CASQ2: variants seen among roughly 807,000 people sequenced by gnomAD.
CASQ2 encodes the protein calsequestrin 2.
In CASQ2, 49 loss-of-function variants were observed where a neutral mutation model predicts 46.5. The observed-to-expected ratio is 1.05, with a 90% CI of 0.84 to 1.34. CASQ2 has a LOEUF of 1.34. CASQ2 is among the 40% of genes most tolerant of loss of function. The pLI is 0.00. For synonymous variants in CASQ2, 174 were observed against 168.5 expected (o/e 1.03, Z -0.25); for missense variants, 486 against 481.3 (o/e 1.01, Z -0.09).
chr1:115,737,149 G>A (rs1361900737), intron 4 of CASQ2, among the ~76,000 whole-genome samples: 1 of 152,160 alleles, frequency 6.6e-6, no homozygotes, highest in Non-Finnish European at 1.5e-5. Flanking sequence ...ATACGGAAAT[G>A]TACAAACTAA....
chr1:115,767,726 G>A (rs909220939), intron 1 of CASQ2, among the ~76,000 whole-genome samples: 13 of 152,206 alleles, frequency 8.5e-5, no homozygotes, highest in Non-Finnish European at 1.8e-4. Flanking sequence ...GTCACACCAA[G>A]AACTTTCTGA....
rs74865143 is a variant in CASQ2 at position 115,718,141 on chromosome 1, A to T, written c.784-247T>A. ...CAGATAAATGAGTTTGCAAGACAGG[A>T]AAATACCAACCACACGCAAGACATT... On this transcript the variant is annotated intron_variant, in intron 7 of 10. Transcript: ENST00000261448. Among the ~76,000 whole-genome samples the T allele has an allele frequency of 0.011, 1,618 of 152,342 alleles. 18 individuals carry two copies. Among genetic ancestry groups the T allele is most frequent in the Non-Finnish European group, 0.018 (1,247 of 68,034 alleles).
intron 9 of CASQ2, among the ~76,000 whole-genome samples, chr1:115,703,770 G>T (rs1423020484): frequency 6.6e-6 from 1 of 151,992 alleles, no homozygotes; most frequent in Non-Finnish European, 1.5e-5. Flanking sequence ...AAATTAGCTG[G>T]GCGTGGTGGC....
At chr1:115,757,259 G>C (rs1184297811) in intron 1 of CASQ2, among the ~76,000 whole-genome samples, 1 of 152,088 alleles carries the variant, frequency 6.6e-6, no homozygotes, top group African/African-American at 2.4e-5. Flanking sequence ...CTGTATTACC[G>C]ATATGTGCCC....
At chr1:115,710,785 A>C (rs942203971) in intron 8 of CASQ2, among the ~76,000 whole-genome samples, 11 of 152,128 alleles carry the variant, frequency 7.2e-5, no homozygotes, top group Admixed American at 2.6e-4. Context: ...CTCTCCTGCC[A>C]CTCAGGCTTG....
At chr1:115,728,980 A>G (rs1647689272) in intron 5 of CASQ2, among the ~76,000 whole-genome samples, 1 of 146,032 alleles carries the variant, frequency 6.8e-6, no homozygotes, top group African/African-American at 2.6e-5. Context: ...CTGTCTACCT[A>G]CCACCATCAT....
chr1:115,752,392 C>A lies in CASQ2; in HGVS notation c.235-7480G>T, dbSNP rs144892863. Among the ~76,000 whole-genome samples, 126 of 152,190 alleles carry A rather than the reference C, an allele frequency of 8.3e-4. 1 individual carries two copies. The East Asian group carries it at 0.024, about 29-fold the overall frequency. ...GCTATCTCCAGCACCTAGCGTAATA[C>A]CTGAACAGATTAGATCTCAAAAATA... On this transcript the variant is annotated intron_variant, in intron 1 of 10. Transcript: ENST00000261448.
At position 115,703,139 on chromosome 1, in the gene CASQ2, TG is replaced by T. The variant is rs141002491; in HGVS notation, c.940-145del. On this transcript the variant is annotated intron_variant, in intron 9 of 10. Coordinates refer to ENST00000261448, the MANE Select transcript of CASQ2 (RefSeq NM_001232.4). The stretch of plus-strand genomic sequence containing the variant: ...GTGAGCACTTAGCAAATTGAAGACT[TG>T]GCCCCAGCCTTCAAGCACTTCAAAT... 2.6e-3 allele frequency: 1,807 copies of T among 704,632 alleles called. 40 individuals are homozygous for T. In the East Asian group the frequency reaches 0.044, roughly 17 times the overall value. The allele number at this position is 704,632 out of a possible 1,614,324, so 43.6% of individuals were successfully genotyped here. A position where few individuals can be genotyped will look rare whatever the true frequency, so the allele number is the denominator to read the frequency against.
At chr1:115,753,622 C>T (rs1190552545) in intron 1 of CASQ2, among the ~76,000 whole-genome samples, 1 of 152,184 alleles carries the variant, frequency 6.6e-6, no homozygotes, top group Non-Finnish European at 1.5e-5. Flanking sequence ...GTGACTGCCG[C>T]TGGGGCTCCC....
intron 8 of CASQ2, among the ~76,000 whole-genome samples, chr1:115,710,653 G>A (rs145890138): frequency 6.6e-6 from 1 of 152,220 alleles, no homozygotes; most frequent in East Asian, 1.9e-4. Context: ...ACGCTGCCAA[G>A]CCCTCGCCTC....
At chr1:115,767,291 C>T (rs1412677742) in intron 1 of CASQ2, among the ~76,000 whole-genome samples, 3 of 151,890 alleles carry the variant, frequency 2.0e-5, no homozygotes, top group Non-Finnish European at 4.4e-5. Context: ...CATTCAGCAC[C>T]CAAGGTTGGA....
At chr1:115,751,689 C>T (rs1038929462) in intron 1 of CASQ2, among the ~76,000 whole-genome samples, 3 of 151,142 alleles carry the variant, frequency 2.0e-5, no homozygotes, top group Non-Finnish European at 4.4e-5. Context: ...AAAAAAATAG[C>T]TCTAGGTGCT....
intron 1 of CASQ2, among the ~76,000 whole-genome samples, chr1:115,762,523 C>T (rs2101123736): frequency 6.6e-6 from 1 of 152,290 alleles, no homozygotes; most frequent in East Asian, 1.9e-4. Flanking sequence ...CACCCTGCCA[C>T]CCAAAACACA....
rs1648034261 is a variant in CASQ2 at position 115,738,280 on chromosome 1, T to G, written c.476A>C (p.Glu159Ala). 1.9e-6 allele frequency: 3 copies of G among 1,614,124 alleles called. No individual in the cohort carries two copies. The African/African-American group carries it at 4.0e-5, about 22-fold the overall frequency. Reference protein sequence around the residue: ...ISSKLEVQAFERIEDYIKLIG... With the variant: ...ISSKLEVQAFARIEDYIKLIG... Reference sequence around the variant, plus strand: ...GAGTTTGATGTAGTCTTCAATGCGTTCGAAGGCTTGGACTTCCAGTTTGCT... The same window carrying G: ...GAGTTTGATGTAGTCTTCAATGCGTGCGAAGGCTTGGACTTCCAGTTTGCT... The change falls in exon 4 of 11, where the codon GAA (glutamate) becomes GCA (alanine). Residue 159 changes from glutamate (E) to alanine (A), a missense_variant. By Grantham distance (107) the Glu-to-Ala change is moderately radical. Coordinates refer to ENST00000261448, the MANE Select transcript of CASQ2 (RefSeq NM_001232.4).
intron 7 of CASQ2, 118 bp from the exon 8 acceptor site, chr1:115,718,012 G>A: frequency 1.3e-6 from 1 of 772,420 alleles, no homozygotes; most frequent in Non-Finnish European, 2.3e-6. Flanking sequence ...AGGTGTGGAA[G>A]CGGGGATGAA....
Position 115,727,023 on chromosome 1 carries a change from C to A in CASQ2, c.706G>T (p.Glu236Ter), listed in dbSNP as rs1487761610. Residue 236 changes from glutamate (E) to a stop codon, truncating the protein, a stop_gained, in exon 6 of 11, where the codon GAG becomes TAG. Coordinates refer to ENST00000261448, the MANE Select transcript of CASQ2 (RefSeq NM_001232.4). LOFTEE classifies it high-confidence loss of function. ...TGTTCCTTCACAAACTCCACCAGCT[C>A]CTCTTCTGTGTAAGGTTTGTTGGGG... ...AIPNKPYTEE[E>*]LVEFVKEHQR... The A allele has an allele frequency of 6.2e-7, 1 of 1,610,124 alleles. No homozygotes were observed. The highest frequency in any genetic ancestry group is 1.1e-5 in the South Asian group (1 of 91,016).
chr1:115,738,750 T>C (rs1008169010), intron 3 of CASQ2, among the ~76,000 whole-genome samples: 2 of 152,212 alleles, frequency 1.3e-5, no homozygotes, highest in African/African-American at 4.8e-5. Flanking sequence ...ACTCTTTTAG[T>C]GATTTTGAAA....
intron 8 of CASQ2, among the ~76,000 whole-genome samples, chr1:115,713,954 TGGA>T (rs533544382): frequency 1.9e-4 from 29 of 151,966 alleles, no homozygotes; most frequent in Admixed American, 3.3e-4. Context: ...ATGTTGGAGG[TGGA>T]GGAGATGGTG....
intron 1 of CASQ2, among the ~76,000 whole-genome samples, chr1:115,748,718 C>T (rs1374399004): frequency 6.6e-6 from 1 of 152,140 alleles, no homozygotes; most frequent in African/African-American, 2.4e-5. Context: ...TTTTTAATGA[C>T]TTTTCTGGTT....
Sources: allele counts gnomAD v4.1 joint callset (sites outside exome capture counted in the v4.1 genomes callset), GRCh38; gene constraint gnomAD v4.1.1; transcripts MANE v1.5; gene names NCBI Gene and HGNC (gene_info 2026-07-23, HGNC 2026-07-21).